LARP1B: variants seen among roughly 807,000 people sequenced by gnomAD.
LARP1B encodes the protein la-related protein 1B.
A neutral mutation model predicts 114.2 loss-of-function variants in LARP1B; 76 were observed. The observed-to-expected ratio is 0.67, with a 90% CI of 0.55 to 0.81. LARP1B has a LOEUF of 0.81. Ranked by LOEUF, LARP1B falls within the 30% of genes least tolerant of loss-of-function variation. LARP1B has a pLI of 0.00. For missense variants in LARP1B, 1,014 were observed against 1,075.8 expected (o/e 0.94, Z 0.80); for synonymous variants, 345 against 348.0 (o/e 0.99, Z 0.10).
In LARP1B at chr4:128,143,632, G is replaced by A. The variant is rs1729022866; in HGVS notation, c.1525-18562G>A. 1.5e-5 allele frequency among the ~76,000 whole-genome samples: 2 copies of A among 130,594 alleles called. 1 individual carries two copies. The highest frequency in any genetic ancestry group is 5.3e-4 in the South Asian group (2 of 3,752). 85.7% of individuals were successfully genotyped at this position (130,594 alleles called of 152,430 possible). A position where few individuals can be genotyped will look rare whatever the true frequency, so the allele number is the denominator to read the frequency against. On this transcript the variant is annotated intron_variant, in intron 11 of 19. Coordinates refer to ENST00000326639, the MANE Select transcript of LARP1B (RefSeq NM_018078.4). ...AAACAAGAGAGAAGAAATGTGCTGA[G>A]ATATCTCAGTGGAACAGTGGTGGGG...
intron 11 of LARP1B, among the ~76,000 whole-genome samples, chr4:128,133,368 A>T (rs1479337727): frequency 6.6e-6 from 1 of 152,266 alleles, no homozygotes; most frequent in African/African-American, 2.4e-5. Flanking sequence ...TGAACAACAA[A>T]TAAATGGAAA....
Position 128,162,224 on chromosome 4 carries a change from C to T in LARP1B, c.1555C>T (p.Leu519Phe). The stretch of plus-strand genomic sequence containing the variant: ...AGTTGAGAACTTTAAGAAGCTAAAT[C>T]TCATTAGTAAAGAGCAGTTTGAAAA... ...QEVENFKKLN[L>F]ISKEQFENLT... is the part of the protein sequence containing the mutation. Residue 519 changes from leucine to phenylalanine, a missense_variant, in exon 12 of 20, where the codon CTC becomes TTC. By Grantham distance (22) the Leu-to-Phe change is conservative (BLOSUM62 0). Coordinates refer to ENST00000326639, the MANE Select transcript of LARP1B (RefSeq NM_018078.4). 1.2e-6 allele frequency: 2 copies of T among 1,612,572 alleles called. No homozygotes were observed.
intron 11 of LARP1B, among the ~76,000 whole-genome samples, chr4:128,132,761 G>A (rs1791981010): frequency 6.6e-6 from 1 of 151,734 alleles, no homozygotes; most frequent in African/African-American, 2.4e-5. Flanking sequence ...TGGACTGGGG[G>A]GCATGGTTTT....
chr4:128,187,473 A>G lies in LARP1B; in HGVS notation c.2003+7961A>G, dbSNP rs575923972. Among the ~76,000 whole-genome samples the G allele has an allele frequency of 2.0e-5, 3 of 152,220 alleles. No individual in the cohort carries two copies. In the South Asian group the frequency reaches 6.2e-4, roughly 32 times the overall value. On this transcript the variant is annotated intron_variant, in intron 15 of 19. Transcript: ENST00000326639. The stretch of plus-strand genomic sequence containing the variant: ...GCCTGTAGCCCCTTTCTTTTGGGCT[A>G]TTTCTTCCTTTTGTGTATTTACCCA...
At chr4:128,060,995 C>T (rs935074662), upstream of LARP1B, among the ~76,000 whole-genome samples, 3 of 152,070 alleles carry the variant, frequency 2.0e-5, no homozygotes, top group African/African-American at 7.2e-5. Flanking sequence ...CCCTTGGCCG[C>T]CGTCGCCGCG....
At chr4:128,116,398 T>C (rs1318556830) in intron 10 of LARP1B, among the ~76,000 whole-genome samples, 1 of 152,204 alleles carries the variant, frequency 6.6e-6, no homozygotes, top group Non-Finnish European at 1.5e-5. Flanking sequence ...TGTATCTGAA[T>C]GTATAATTAT....
chr4:128,122,937 TTATCAGAAA>T, intron 11 of LARP1B: 1 of 984,224 alleles, frequency 1.0e-6, no homozygotes, highest in Non-Finnish European at 1.2e-6. Flanking sequence ...GCTATTAAGT[TTATCAGAAA>T]AGCCCCAATA....
chr4:128,195,125 C>G (rs369052962), intron 15 of LARP1B, among the ~76,000 whole-genome samples: 1 of 152,108 alleles, frequency 6.6e-6, no homozygotes, highest in South Asian at 2.1e-4. Flanking sequence ...GAAATCTTGC[C>G]AAATCCCAGT....
intron 1 of LARP1B, among the ~76,000 whole-genome samples, chr4:128,062,423 A>C (rs1241748379): frequency 6.6e-6 from 1 of 152,154 alleles, no homozygotes; most frequent in Non-Finnish European, 1.5e-5. Context: ...AGCGGCAGGA[A>C]GAGGTGGGAC....
intron 11 of LARP1B, among the ~76,000 whole-genome samples, chr4:128,139,846 A>G (rs961870327): frequency 6.0e-5 from 9 of 149,252 alleles, no homozygotes; most frequent in African/African-American, 2.2e-4. Context: ...GATGGTAAGT[A>G]GAGTTTGGGA....
rs746649446 is a variant in LARP1B, at chr4:128,162,303, C to T, written c.1634C>T (p.Ser545Leu). ...EPNQEVPVAP[S>L]QSRQGGVQGV... Reference sequence around the variant, plus strand: ...AACCAAGAAGTTCCTGTAGCACCTTCACAGTCCAGGCAAGGTATGTAAATC... The same window carrying T: ...AACCAAGAAGTTCCTGTAGCACCTTTACAGTCCAGGCAAGGTATGTAAATC... The change falls in exon 12 of 20, where the codon TCA (serine) becomes TTA (leucine). Residue 545 changes from serine to leucine, a missense_variant. By Grantham distance (145) the Ser-to-Leu change is moderately radical. Coordinates refer to ENST00000326639, the MANE Select transcript of LARP1B (RefSeq NM_018078.4). 4 of 1,613,112 alleles carry T rather than the reference C, an allele frequency of 2.5e-6. No individual in the cohort carries two copies. The highest frequency in any genetic ancestry group is 3.3e-5 in the Admixed American group (2 of 59,978).
intron 11 of LARP1B, among the ~76,000 whole-genome samples, chr4:128,137,669 T>A (rs1725963219): frequency 6.6e-6 from 1 of 151,862 alleles, no homozygotes. Context: ...TAGGGTAATT[T>A]ATATATCTAT....
At chr4:128,190,770 G>C (rs1752010345) in intron 15 of LARP1B, among the ~76,000 whole-genome samples, 1 of 152,020 alleles carries the variant, frequency 6.6e-6, no homozygotes, top group South Asian at 2.1e-4. Context: ...CCAGCCTCAG[G>C]TATTATTTAT....
chr4:128,072,522 T>C (rs953860708), intron 1 of LARP1B, among the ~76,000 whole-genome samples: 24 of 152,084 alleles, frequency 1.6e-4, no homozygotes, highest in African/African-American at 5.8e-4. Context: ...AAAATTTCCT[T>C]TCTTAGGCTT....
At chr4:128,154,845 C>T (rs1179836829) in intron 11 of LARP1B, among the ~76,000 whole-genome samples, 1 of 150,164 alleles carries the variant, frequency 6.7e-6, no homozygotes, top group Non-Finnish European at 1.5e-5. Context: ...GTGATCTCGG[C>T]TCACTGCAAC....
intron 4 of LARP1B, among the ~76,000 whole-genome samples, chr4:128,079,117 C>CA (rs1267849189): frequency 2.1e-5 from 3 of 142,768 alleles, no homozygotes; most frequent in African/African-American, 8.0e-5. Flanking sequence ...TTTTAAGAGA[C>CA]AGAGTCTTGC....
intron 1 of LARP1B, among the ~76,000 whole-genome samples, chr4:128,068,397 T>G (rs979397121): frequency 6.6e-6 from 1 of 151,554 alleles, no homozygotes; most frequent in African/African-American, 2.4e-5. Context: ...CATAGCTCAC[T>G]GCAGCCTAGA....
chr4:128,107,700 TA>T, intron 9 of LARP1B: 1 of 1,437,268 alleles, frequency 7.0e-7, no homozygotes, highest in South Asian at 1.6e-5. Context: ...TTAATTTTGT[TA>T]CCAATACGCT....
intron 15 of LARP1B, among the ~76,000 whole-genome samples, chr4:128,194,883 TC>T (rs1173535850): frequency 6.6e-6 from 1 of 151,636 alleles, no homozygotes; most frequent in East Asian, 1.9e-4. Flanking sequence ...AAAAAAGTTT[TC>T]TTTTTTTCTG....
Sources: allele counts gnomAD v4.1 joint callset (sites outside exome capture counted in the v4.1 genomes callset), GRCh38; gene constraint gnomAD v4.1.1; transcripts MANE v1.5; gene names NCBI Gene and HGNC (gene_info 2026-07-23, HGNC 2026-07-21).